The following CACNA1C variants were observed in gnomAD, a reference collection of about 807,000 sequenced individuals.
The protein encoded by CACNA1C is voltage-dependent L-type calcium channel subunit alpha-1C.
In CACNA1C, 30 loss-of-function variants were observed where a neutral mutation model predicts 229.0. The observed-to-expected ratio is 0.13, with a 90% CI of 0.10 to 0.18. The LOEUF is 0.18. Ranked by LOEUF, CACNA1C falls within the 10% of genes least tolerant of loss-of-function variation. The pLI, the probability that CACNA1C is intolerant of heterozygous loss-of-function variation, is 1.00. For missense variants in CACNA1C, 1,658 were observed against 2,845.0 expected, an observed-to-expected ratio of 0.58 and a Z score of 9.49; for synonymous variants, 1,114 against 1,132.5, an observed-to-expected ratio of 0.98 and a Z score of 0.33.
Position 2,457,642 on chromosome 12 carries a change from T to A in CACNA1C, c.693T>A (p.Phe231Leu), listed in dbSNP as rs1465447035. Residue 231 changes from phenylalanine (F) to leucine (L), a missense_variant, in exon 5 of 47, where the codon TTT becomes TTA. By Grantham distance (22) the Phe-to-Leu change is conservative (BLOSUM62 0). Around this residue, in one of 20 missense-constraint regions of CACNA1C, gnomAD observed 7 missense variants for 72.4 expected, o/e 0.10. Transcript: ENST00000399655. Reference protein sequence around the residue: ...ANALGGKGAGFDVKALRAFRV... With the variant: ...ANALGGKGAGLDVKALRAFRV... ...CTCTCGGAGGGAAAGGGGCCGGATT[T>A]GATGTGAAGGCGCTGAGGGCCTTCC... is the stretch of plus-strand genomic sequence containing the variant. 2 of 1,612,482 alleles carry A rather than the reference T, an allele frequency of 1.2e-6. No individual in the cohort carries two copies. The highest frequency in any genetic ancestry group is 8.5e-7 in the Non-Finnish European group (1 of 1,179,364).
chr12:2,195,908 G>A (rs762882956), intron 3 of CACNA1C, among the ~76,000 whole-genome samples: 35 of 152,128 alleles, frequency 2.3e-4, no homozygotes, highest in Non-Finnish European at 4.7e-4. Context: ...CAGCCTTTGG[G>A]AGAAAAAGAC....
rs763278238 is a variant in CACNA1C at position 2,601,828 on chromosome 12, T to G, written c.2854-26T>G. 1 of 1,497,920 alleles carries G rather than the reference T, an allele frequency of 6.7e-7. No individual in the cohort carries two copies. The highest frequency in any genetic ancestry group is 9.3e-7 in the Non-Finnish European group (1 of 1,074,182). The allele number at this position is 1,497,920 out of a possible 1,614,324, so 92.8% of individuals were successfully genotyped here. A position where few individuals can be genotyped will look rare whatever the true frequency, so the allele number is the denominator to read the frequency against. On this transcript the variant is annotated intron_variant, in intron 21 of 46. Transcript: ENST00000399655. This position sits in a 1 kb window ranked among gnomAD's most constrained non-coding sequence, Gnocchi z 5.9. ...GGGCTAGGGCTAGGGCCACTCACAC[T>G]GGTGTTCCTTTGTCCCTCCCTGCAG...
chr12:2,005,200 A>G (rs1402547471), intron 1 of CACNA1C, among the ~76,000 whole-genome samples: 1 of 152,092 alleles, frequency 6.6e-6, no homozygotes, highest in East Asian at 1.9e-4. Context: ...GGTGTTCTTG[A>G]TAAGCAGTAA....
intron 5 of CACNA1C, among the ~76,000 whole-genome samples, chr12:2,482,817 G>A (rs960612833): frequency 1.3e-5 from 2 of 152,104 alleles, no homozygotes; most frequent in Admixed American, 1.3e-4. Context: ...GCAGTTGGTC[G>A]TAGTTCCATC....
intron 3 of CACNA1C, among the ~76,000 whole-genome samples, chr12:2,416,136 T>A (rs916153727): frequency 6.6e-6 from 1 of 152,210 alleles, no homozygotes; most frequent in African/African-American, 2.4e-5. Context: ...CAGCCCTGGT[T>A]GTTTTCCTTT....
At chr12:2,366,005 C>T (rs2097709765) in intron 3 of CACNA1C, among the ~76,000 whole-genome samples, 1 of 152,208 alleles carries the variant, frequency 6.6e-6, no homozygotes, top group Non-Finnish European at 1.5e-5. Flanking sequence ...TACATGTCCT[C>T]CTCCAGAGAC....
chr12:2,516,611 T>C (rs1026968457), intron 9 of CACNA1C, among the ~76,000 whole-genome samples: 1 of 151,956 alleles, frequency 6.6e-6, no homozygotes, highest in African/African-American at 2.4e-5. Flanking sequence ...GCGTCAGATA[T>C]GGGATGTGAG....
At chr12:2,096,329 T>C (rs2154089623) in intron 1 of CACNA1C, among the ~76,000 whole-genome samples, 1 of 152,336 alleles carries the variant, frequency 6.6e-6, no homozygotes, top group East Asian at 1.9e-4. Flanking sequence ...TCTGGGCCTA[T>C]GTCATGTGCT....
intron 3 of CACNA1C, among the ~76,000 whole-genome samples, chr12:2,361,066 G>A (rs922935589): frequency 6.6e-6 from 1 of 151,740 alleles, no homozygotes; most frequent in African/African-American, 2.4e-5. Context: ...TGGAATCAAC[G>A]AGTATTTTTC....
intron 1 of CACNA1C, among the ~76,000 whole-genome samples, chr12:2,086,597 C>T (rs1031411490): frequency 4.4e-4 from 67 of 152,292 alleles, no homozygotes; most frequent in African/African-American, 1.5e-3. Flanking sequence ...TTTTCAGTTA[C>T]GTGACAGTCC....
chr12:2,576,788 C>A (rs1228129493), intron 13 of CACNA1C, among the ~76,000 whole-genome samples: 1 of 152,130 alleles, frequency 6.6e-6, no homozygotes, highest in Non-Finnish European at 1.5e-5. Flanking sequence ...AGGCTGCCAC[C>A]TGGACACCTC....
intron 38 of CACNA1C, among the ~76,000 whole-genome samples, chr12:2,669,294 G>T (rs953247777): frequency 5.3e-5 from 8 of 151,966 alleles, no homozygotes; most frequent in African/African-American, 1.9e-4. Flanking sequence ...TGGAAGAATT[G>T]TCTTGGGCCA....
intron 3 of CACNA1C, among the ~76,000 whole-genome samples, chr12:2,431,692 G>A (rs549023390): frequency 1.3e-5 from 2 of 152,312 alleles, no homozygotes; most frequent in South Asian, 2.1e-4. Context: ...CTGGCATGCA[G>A]CAAGAACTAG....
intron 3 of CACNA1C, among the ~76,000 whole-genome samples, chr12:2,241,633 G>A (rs1044770750): frequency 6.6e-6 from 1 of 152,138 alleles, no homozygotes; most frequent in Non-Finnish European, 1.5e-5. Context: ...GGCAGGTGGG[G>A]CATTTTTAAC....
intron 3 of CACNA1C, among the ~76,000 whole-genome samples, chr12:2,426,951 G>C (rs1235982155): frequency 6.6e-6 from 1 of 152,184 alleles, no homozygotes; most frequent in East Asian, 1.9e-4. Flanking sequence ...ATATTCTTTT[G>C]GTCAAAGCAA....
At chr12:2,001,187 T>C (rs2042124054) in intron 1 of CACNA1C, among the ~76,000 whole-genome samples, 1 of 152,236 alleles carries the variant, frequency 6.6e-6, no homozygotes, top group Admixed American at 6.5e-5. Context: ...CGCATTTTCC[T>C]GGCCCCTCCA....
chr12:2,502,711 A>G (rs115891251), intron 7 of CACNA1C, among the ~76,000 whole-genome samples: 19 of 152,342 alleles, frequency 1.2e-4, no homozygotes, highest in African/African-American at 4.6e-4. Flanking sequence ...GTGTCTCGGT[A>G]CTTCTCAGTC....
At chr12:2,085,786 G>A (rs2154065338) in intron 1 of CACNA1C, among the ~76,000 whole-genome samples, 1 of 152,286 alleles carries the variant, frequency 6.6e-6, no homozygotes, top group African/African-American at 2.4e-5. Context: ...TGAGGCCTTT[G>A]CTAGCACCCT....
Position 2,486,644 on chromosome 12 carries a change from G to A in CACNA1C, c.916+382G>A, listed in dbSNP as rs796992253. The stretch of plus-strand genomic sequence containing the variant: ...CTCTGCTCCTTCCATGCTTCAGTGT[G>A]GTTGGCCATTGGGAGCCCTTTCACG... On this transcript the variant is annotated intron_variant, in intron 6 of 46. Transcript: ENST00000399655. The surrounding 1 kb of genome is among the most constrained non-coding windows in gnomAD (Gnocchi z 4.9). Among the ~76,000 whole-genome samples the A allele has an allele frequency of 3.5e-4, 54 of 152,342 alleles. No individual in the cohort carries two copies. The highest frequency in any genetic ancestry group is 1.2e-3 in the African/African-American group (51 of 41,582).
Sources: gnomAD v4.1 joint callset for allele counts (sites outside exome capture counted in the v4.1 genomes callset) on GRCh38, gnomAD v4.1.1 for gene constraint, gnomAD v4.1.1 regional missense constraint, Gnocchi (gnomAD v3.1) non-coding constraint, MANE v1.5 for transcripts, NCBI Gene and HGNC (gene_info 2026-07-23, HGNC 2026-07-21) for gene names.